Variants in AGO4 observed in about 807,000 individuals in gnomAD.
AGO4 encodes the protein argonaute RISC component 4, also known as protein argonaute-4.
In AGO4, 33 loss-of-function variants were observed where a neutral mutation model predicts 104.7. That is an observed-to-expected ratio of 0.32 (90% CI 0.24 to 0.42). The LOEUF is 0.42. Among genes scored for constraint, AGO4 ranks in the 10% least tolerant of loss-of-function variants. The probability of loss-of-function intolerance (pLI) is 1.00; values close to 1 mark genes in which losing one functional copy is unlikely to be tolerated. For synonymous variants in AGO4, 331 were observed against 364.7 expected (o/e 0.91, Z 1.05); for missense variants, 711 against 1,083.4 (o/e 0.66, Z 4.83).
chr1:35,835,181 C>G (rs1000757919), intron 12 of AGO4, among the ~76,000 whole-genome samples: 2 of 151,660 alleles, frequency 1.3e-5, no homozygotes, highest in African/African-American at 2.4e-5. Flanking sequence ...CTCAGCCCCC[C>G]CAAGTACTGG....
chr1:35,812,473 G>A (rs1571251020), intron 1 of AGO4, among the ~76,000 whole-genome samples: 1 of 152,176 alleles, frequency 6.6e-6, no homozygotes, highest in South Asian at 2.1e-4. Context: ...GCTAGGCTAG[G>A]AGTTAGGAGA....
rs10158259 is a variant in AGO4 at position 35,853,119 on chromosome 1, C to T, written c.2478-378C>T. On this transcript the variant is annotated intron_variant, in intron 17 of 17. Transcript: ENST00000373210. ...CAAAAAAATCAGCCGGGTGTGGTGG[C>T]GGGCGCCTGTAGTCCCAGCTACTCG... is the stretch of plus-strand genomic sequence containing the variant. Among the ~76,000 whole-genome samples the T allele has an allele frequency of 4.2e-4, 64 of 152,010 alleles. 1 individual carries two copies. The Middle Eastern group carries it at 0.01, about 24-fold the overall frequency.
chr1:35,831,100 G>A (rs367984120), intron 7 of AGO4, among the ~76,000 whole-genome samples: 1 of 151,518 alleles, frequency 6.6e-6, no homozygotes, highest in African/African-American at 2.4e-5. Flanking sequence ...AGTGGCTCAC[G>A]CCTGTAATCC....
intron 2 of AGO4, 88 bp from the exon 3 acceptor site, chr1:35,822,774 C>T (rs1643914534): frequency 2.0e-6 from 3 of 1,524,858 alleles, no homozygotes; most frequent in Non-Finnish European, 2.7e-6. Context: ...AATACTGAAC[C>T]GAATTTAAAT....
intron 3 of AGO4, among the ~76,000 whole-genome samples, chr1:35,824,634 C>CA (rs1288007104): frequency 2.4e-4 from 36 of 147,516 alleles, no homozygotes; most frequent in East Asian, 1.2e-3. Context: ...CCCATCTCTA[C>CA]AAAAAAAAAA....
At chr1:35,820,940 CA>C (rs1349005434) in intron 2 of AGO4, among the ~76,000 whole-genome samples, 1 of 152,004 alleles carries the variant, frequency 6.6e-6, no homozygotes, top group African/African-American at 2.4e-5. Context: ...TTATTATTAT[CA>C]TAACTTTACA....
Position 35,841,110 on chromosome 1 carries a change from C to T in AGO4, c.1725-55C>T. 6.4e-7 allele frequency: 1 copy of T among 1,560,198 alleles called. No homozygotes were observed. The highest frequency in any genetic ancestry group is 1.8e-4 in the Middle Eastern group (1 of 5,648). On this transcript the variant is annotated intron_variant, in intron 13 of 17. Transcript: ENST00000373210. The surrounding 1 kb of genome is among the most constrained non-coding windows in gnomAD (Gnocchi z 4.7). ...TATCTGGTGATATAATCTTGCTAAA[C>T]TCAAACATTTTCACTTATATGTCTG...
At chr1:35,827,616 A>C (rs912077340) in intron 7 of AGO4, among the ~76,000 whole-genome samples, 1 of 152,112 alleles carries the variant, frequency 6.6e-6, no homozygotes, top group Admixed American at 6.6e-5. Flanking sequence ...ACATTTTCTG[A>C]ATATTTTTGG....
In AGO4 at chr1:35,856,475, T is replaced by C. The variant is rs934828447; in HGVS notation, c.*2870T>C. 1 of 152,214 alleles carries C rather than the reference T, an allele frequency of 6.6e-6. No homozygotes were observed. The highest frequency in any genetic ancestry group is 2.4e-5 in the African/African-American group (1 of 41,446). 9.4% of individuals were successfully genotyped at this position (152,214 alleles called of 1,614,324 possible). ...TTTTAAATGCAGCCTGTTGAGGCAC[T>C]GTCATGTGGTGTGAAAGATTTAAAT... is the stretch of plus-strand genomic sequence containing the variant. On this transcript the variant is annotated 3_prime_UTR_variant, in exon 18 of 18. Transcript: ENST00000373210.
intron 3 of AGO4, among the ~76,000 whole-genome samples, chr1:35,824,807 A>C (rs1643971853): frequency 6.6e-6 from 1 of 152,160 alleles, no homozygotes; most frequent in African/African-American, 2.4e-5. Flanking sequence ...TCTCAAAAAA[A>C]ACTTATGATG....
intron 2 of AGO4, among the ~76,000 whole-genome samples, chr1:35,822,458 T>C (rs1298241296): frequency 6.6e-6 from 1 of 151,630 alleles, no homozygotes; most frequent in Non-Finnish European, 1.5e-5. Context: ...TTCACTGTGT[T>C]GGTCAGGCTG....
At chr1:35,852,911 G>A (rs1229524685) in intron 17 of AGO4, among the ~76,000 whole-genome samples, 2 of 152,184 alleles carry the variant, frequency 1.3e-5, no homozygotes, top group Non-Finnish European at 2.9e-5. Flanking sequence ...TAAGGATTGT[G>A]TCTTTGCAGA....
At chr1:35,823,235 C>T (rs938254005) in intron 3 of AGO4, among the ~76,000 whole-genome samples, 14 of 151,482 alleles carry the variant, frequency 9.2e-5, no homozygotes, top group African/African-American at 3.4e-4. Context: ...TCTGTAATAA[C>T]ACATCAATTC....
intron 17 of AGO4, 158 bp from the exon 18 acceptor site, chr1:35,853,339 A>G (rs983677177): frequency 1.1e-5 from 5 of 461,604 alleles, no homozygotes; most frequent in Non-Finnish European, 1.9e-5. Flanking sequence ...GCTTAAGCCT[A>G]AGATATTCTA....
chr1:35,823,916 A>T (rs1459681800), intron 3 of AGO4, among the ~76,000 whole-genome samples: 2 of 152,050 alleles, frequency 1.3e-5, no homozygotes, highest in Non-Finnish European at 2.9e-5. Context: ...TAGATTTGTT[A>T]TTCTGTCCAT....
upstream of AGO4, among the ~76,000 whole-genome samples, chr1:35,807,713 T>C (rs1170735933): frequency 2.0e-5 from 3 of 152,152 alleles, no homozygotes; most frequent in Admixed American, 2.0e-4. Flanking sequence ...GGAGGACTGC[T>C]AGCGTCTAAG....
At chr1:35,829,962 C>G (rs965181645) in intron 7 of AGO4, among the ~76,000 whole-genome samples, 6 of 150,730 alleles carry the variant, frequency 4.0e-5, no homozygotes, top group Non-Finnish European at 8.8e-5. Context: ...GAGTTCGAGA[C>G]CAGCCTGGGC....
chr1:35,833,095 A>C (rs1409487473), intron 11 of AGO4, among the ~76,000 whole-genome samples: 1 of 152,056 alleles, frequency 6.6e-6, no homozygotes, highest in Non-Finnish European at 1.5e-5. Flanking sequence ...CCTGGCCAAC[A>C]TGGTGAAACC....
At chr1:35,814,492 T>C (rs1330438118) in intron 1 of AGO4, among the ~76,000 whole-genome samples, 1 of 144,394 alleles carries the variant, frequency 6.9e-6, no homozygotes, top group East Asian at 2.2e-4. Flanking sequence ...TGTGTGATGT[T>C]CCCCTTCCTG....
Sources: gnomAD v4.1 joint callset for allele counts (sites outside exome capture counted in the v4.1 genomes callset) on GRCh38, gnomAD v4.1.1 for gene constraint, Gnocchi (gnomAD v3.1) non-coding constraint, MANE v1.5 for transcripts, NCBI Gene and HGNC (gene_info 2026-07-23, HGNC 2026-07-21) for gene names.